HTT: variants seen among roughly 807,000 people sequenced by gnomAD.
HTT encodes the protein huntingtin.
HTT carries 104 observed loss-of-function variants against 362.3 expected under a neutral mutation model. That is an observed-to-expected ratio of 0.29 (90% CI 0.24 to 0.34). The LOEUF is 0.34. Ranked by LOEUF, HTT falls within the 10% of genes least tolerant of loss-of-function variation. The pLI is 1.00. For missense variants in HTT, 3,301 were observed against 3,928.6 expected (o/e 0.84, Z 4.27); for synonymous variants, 1,577 against 1,548.7 (o/e 1.02, Z -0.43).
At chr4:3,191,613 T>A (rs1337941448) in intron 40 of HTT, among the ~76,000 whole-genome samples, 1 of 152,186 alleles carries the variant, frequency 6.6e-6, no homozygotes, top group African/African-American at 2.4e-5. Context: ...GGCAAGTAGA[T>A]GGTAGAGATA....
chr4:3,212,581 C>T lies in HTT; in HGVS notation c.6646C>T (p.Gln2216Ter). The change falls in exon 49 of 67, where the codon CAG becomes TAG. Residue 2216 changes from glutamine (Q) to a stop codon, truncating the protein, a stop_gained. Coordinates refer to ENST00000355072, the MANE Select transcript of HTT (RefSeq NM_001388492.1). LOFTEE classifies it high-confidence loss of function. ...NDLFGDAALY[Q>*]SLPTLARALA... The stretch of plus-strand genomic sequence containing the variant: ...TGTTTCAGGGGATGCTGCACTGTAT[C>T]AGTCCCTGCCCACTCTGGCCCGGGC... The T allele has an allele frequency of 1.2e-6, 2 of 1,614,242 alleles. No individual in the cohort carries two copies. The highest frequency in any genetic ancestry group is 1.7e-6 in the Non-Finnish European group (2 of 1,180,042).
At chr4:3,224,171 G>A (rs1475574966) in intron 56 of HTT, 40 bp downstream of exon 56, 3 of 1,609,340 alleles carry the variant, frequency 1.9e-6, no homozygotes, top group Non-Finnish European at 2.5e-6. Flanking sequence ...GTTGTACTTG[G>A]GCTAGAATGA....
chr4:3,230,076 G>A lies in HTT; in HGVS notation c.8265+34G>A, dbSNP rs1257645412. 6 of 1,590,970 alleles carry A rather than the reference G, an allele frequency of 3.8e-6. No homozygotes were observed. In the Middle Eastern group the frequency reaches 6.9e-4, roughly 183 times the overall value. On this transcript the variant is annotated intron_variant, in intron 60 of 66. Coordinates refer to ENST00000355072, the MANE Select transcript of HTT (RefSeq NM_001388492.1). ...CAGGTGGCACAGAGGTTTCTGTGCT[G>A]AAGCCACGGGGGCCCATCTGCCTTG...
Position 3,172,415 on chromosome 4 carries a change from T to C in HTT, c.3942+18T>C, listed in dbSNP as rs201656039. 1 of 1,546,920 alleles carries C rather than the reference T, an allele frequency of 6.5e-7. No homozygotes were observed. Among genetic ancestry groups the C allele is most frequent in the Non-Finnish European group, 8.9e-7 (1 of 1,118,606 alleles). ...TTCAACAAGTAAGAGCTTCATTCTT[T>C]TCCTCTTCTGTTAAGACGTTCGGGT... is the stretch of plus-strand genomic sequence containing the variant. On this transcript the variant is annotated intron_variant, in intron 30 of 66. Coordinates refer to ENST00000355072, the MANE Select transcript of HTT (RefSeq NM_001388492.1).
In HTT at chr4:3,177,386, A is replaced by T; in HGVS notation, c.4462A>T (p.Arg1488Trp). The T allele has an allele frequency of 1.3e-6, 2 of 1,576,546 alleles. No individual in the cohort carries two copies. Among genetic ancestry groups the T allele is most frequent in the Non-Finnish European group, 1.7e-6 (2 of 1,161,140 alleles). The stretch of plus-strand genomic sequence containing the variant: ...TGAATACATTGAAGTGGGCCAGTTC[A>T]GGTAATAGCATTTTATTATTTTAGA... ...QFEYIEVGQF[R>W]ESEAIIPNIF... Residue 1488 changes from arginine (R) to tryptophan (W), a missense_variant and splice_region_variant, in exon 34 of 67, where the codon AGG (arginine) becomes TGG (tryptophan). Around this residue, in one of 4 missense-constraint regions of HTT, gnomAD observed 2,316 missense variants for 2,658.5 expected, o/e 0.87. Transcript: ENST00000355072.
intron 11 of HTT, 57 bp downstream of exon 11, chr4:3,125,686 T>C: frequency 1.6e-6 from 2 of 1,246,544 alleles, no homozygotes; most frequent in Non-Finnish European, 2.4e-6. Flanking sequence ...TTCCACCCCT[T>C]GCCCTTCCTG....
chr4:3,128,543 T>A (rs1715631074), intron 12 of HTT: 1 of 152,208 alleles, frequency 6.6e-6, no homozygotes, highest in Admixed American at 6.5e-5. Context: ...TATAAACAGA[T>A]CTGTGGTCTT....
At position 3,189,228 on chromosome 4, in the gene HTT, G is replaced by GTTC. The variant is rs1718907350; in HGVS notation, c.5368+136_5368+137insTCT. 3.5e-5 allele frequency: 30 copies of GTTC among 862,668 alleles called. No homozygotes were observed. The South Asian group carries it at 5.2e-4, about 15-fold the overall frequency. The allele number at this position is 862,668 out of a possible 1,614,324, so 53.4% of individuals were successfully genotyped here. On this transcript the variant is annotated intron_variant, in intron 40 of 66. Transcript: ENST00000355072. ...GTGCCAGTTGAAAATATTTGTTGCT[G>GTTC]TAAGAGTACACCTGATACCATGTGA... is the stretch of plus-strand genomic sequence containing the variant.
At chr4:3,135,332 A>C (rs1479933752) in intron 19 of HTT, among the ~76,000 whole-genome samples, 1 of 152,004 alleles carries the variant, frequency 6.6e-6, no homozygotes, top group African/African-American at 2.4e-5. Context: ...CAAAAAAAAA[A>C]AAATAACATG....
At chr4:3,122,727 T>C (rs1242762182) in intron 9 of HTT, among the ~76,000 whole-genome samples, 162 bp from the exon 10 acceptor site, 4 of 152,254 alleles carry the variant, frequency 2.6e-5, no homozygotes, top group South Asian at 2.1e-4. Context: ...GTAATTTTCA[T>C]ATTGAAATTA....
At chr4:3,076,927 G>A (rs1032023241) in intron 1 of HTT, among the ~76,000 whole-genome samples, 7 of 151,998 alleles carry the variant, frequency 4.6e-5, no homozygotes, top group Non-Finnish European at 1.0e-4. Context: ...CCTTTAATCC[G>A]AGCACTTTGG....
At chr4:3,146,304 A>G (rs1267798216) in intron 24 of HTT, among the ~76,000 whole-genome samples, 1 of 152,226 alleles carries the variant, frequency 6.6e-6, no homozygotes, top group Non-Finnish European at 1.5e-5. Context: ...AACTTTTACT[A>G]CAAGATATGG....
chr4:3,089,114 T>A (rs2110144176), intron 2 of HTT, among the ~76,000 whole-genome samples: 1 of 152,334 alleles, frequency 6.6e-6, no homozygotes, highest in Middle Eastern at 3.4e-3. Context: ...TGAAATGTAA[T>A]CCCTAGTTAC....
chr4:3,212,802 A>G, intron 49 of HTT, 93 bp downstream of exon 49: 1 of 1,311,174 alleles, frequency 7.6e-7, no homozygotes, highest in Non-Finnish European at 1.1e-6. Context: ...GAAAAGCAAG[A>G]TCTCTGACCA....
chr4:3,163,887 A>ATT (rs140769204), intron 29 of HTT, among the ~76,000 whole-genome samples: 2 of 151,074 alleles, frequency 1.3e-5, no homozygotes, highest in African/African-American at 2.4e-5. Context: ...GGATTCATTG[A>ATT]TTTTTTTTGG....
intron 46 of HTT, among the ~76,000 whole-genome samples, chr4:3,209,342 G>T (rs562752625): frequency 1.3e-5 from 2 of 151,866 alleles, no homozygotes; most frequent in South Asian, 4.2e-4. Context: ...TGGAGCCTTG[G>T]TAGAGCCTTG....
intron 47 of HTT, 80 bp from the exon 48 acceptor site, chr4:3,211,849 T>C: frequency 9.8e-7 from 1 of 1,020,298 alleles, no homozygotes; most frequent in Admixed American, 1.9e-5. Flanking sequence ...TTATTCTTTT[T>C]TCTGTTGTGT....
Position 3,199,125 on chromosome 4 carries a change from G to A in HTT, c.5369-607G>A, listed in dbSNP as rs539164152. On this transcript the variant is annotated intron_variant, in intron 40 of 66. Transcript: ENST00000355072. Reference sequence around the variant, plus strand: ...GAGTGTTCCCTGACTCCTTCTCCAGGAGCTGTGTTCAGACTTTCGCAGCTC... The same window carrying A: ...GAGTGTTCCCTGACTCCTTCTCCAGAAGCTGTGTTCAGACTTTCGCAGCTC... Among the ~76,000 whole-genome samples the A allele has an allele frequency of 5.9e-5, 9 of 152,360 alleles. No individual in the cohort carries two copies. In the South Asian group the frequency reaches 1.7e-3, roughly 28 times the overall value.
At chr4:3,125,203 CT>C (rs1444138347) in intron 10 of HTT, among the ~76,000 whole-genome samples, 2 of 152,028 alleles carry the variant, frequency 1.3e-5, no homozygotes, top group African/African-American at 4.8e-5. Context: ...AGCATTGGAT[CT>C]TTACAGTTAT....
Sources: gnomAD v4.1 joint callset for allele counts (sites outside exome capture counted in the v4.1 genomes callset) on GRCh38, gnomAD v4.1.1 for gene constraint, gnomAD v4.1.1 regional missense constraint, MANE v1.5 for transcripts, NCBI Gene and HGNC (gene_info 2026-07-23, HGNC 2026-07-21) for gene names.